LYRM4: variants seen among roughly 807,000 people sequenced by gnomAD.
The protein encoded by LYRM4 is LYR motif-containing protein 4.
Under a neutral mutation model 11.7 loss-of-function variants are expected in LYRM4, and 9 were observed. The observed-to-expected ratio is 0.77, with a 90% CI of 0.46 to 1.34. The LOEUF (loss-of-function observed/expected upper bound fraction) is 1.34, where lower values mean the gene tolerates loss of function less well. Among genes scored for constraint, LYRM4 ranks in the 40% most tolerant of loss-of-function variants. LYRM4 has a pLI of 0.00. For synonymous variants in LYRM4, 42 were observed against 40.4 expected (o/e 1.04, Z -0.15); for missense variants, 133 against 112.5 (o/e 1.18, Z -0.82).
intron 2 of LYRM4, among the ~76,000 whole-genome samples, chr6:5,156,705 T>C (rs1013235284): frequency 2.0e-5 from 3 of 152,120 alleles, no homozygotes; most frequent in African/African-American, 7.2e-5. Flanking sequence ...AGATCTCCTA[T>C]AATCTGTTTT....
At chr6:5,204,176 A>G (rs1181852222) in intron 2 of LYRM4, among the ~76,000 whole-genome samples, 1 of 152,104 alleles carries the variant, frequency 6.6e-6, no homozygotes, top group Non-Finnish European at 1.5e-5. Context: ...CTGTGCCTTC[A>G]TGCCTTCCCG....
the LYRM4 span, among the ~76,000 whole-genome samples, chr6:5,074,397 CTTT>C: frequency 0.038 from 2,952 of 76,754 alleles, 83 homozygotes; most frequent in African/African-American, 0.1. Context: ...AGCACAGGTA[CTTT>C]TTTTTTTTTT....
chr6:5,208,215 C>T (rs1761808197), intron 2 of LYRM4, among the ~76,000 whole-genome samples: 1 of 152,178 alleles, frequency 6.6e-6, no homozygotes, highest in Non-Finnish European at 1.5e-5. Context: ...GCTGCCACCA[C>T]CATCATAAAC....
chr6:5,156,887 A>AC (rs1204830877), intron 2 of LYRM4, among the ~76,000 whole-genome samples: 1 of 151,908 alleles, frequency 6.6e-6, no homozygotes, highest in Non-Finnish European at 1.5e-5. Context: ...TCAAATCACA[A>AC]CAGACATGAT....
At chr6:5,170,568 T>TCGGCTCACTGTAACCTCTGCCTCC (rs1398610817) in intron 2 of LYRM4, among the ~76,000 whole-genome samples, 1 of 152,202 alleles carries the variant, frequency 6.6e-6, no homozygotes, top group Non-Finnish European at 1.5e-5. Flanking sequence ...TGGCGCGATC[T>TCGGCTCACTGTAACCTCTGCCTCC]CGGCTCACTG....
At chr6:5,076,127 G>A in the LYRM4 span, among the ~76,000 whole-genome samples, 1 of 151,918 alleles carries the variant, frequency 6.6e-6, no homozygotes, top group Admixed American at 6.6e-5. Flanking sequence ...CTATTTTTTT[G>A]TAGAGACAGG....
At chr6:5,193,309 C>CA (rs377530249) in intron 2 of LYRM4, among the ~76,000 whole-genome samples, 6,641 of 145,832 alleles carry the variant, frequency 0.046, 432 homozygotes, top group African/African-American at 0.14. Flanking sequence ...AACCAGAAAA[C>CA]AAAAAAAAAA....
At chr6:5,189,577 C>G (rs187676975) in intron 2 of LYRM4, among the ~76,000 whole-genome samples, 2 of 152,314 alleles carry the variant, frequency 1.3e-5, no homozygotes, top group Admixed American at 6.5e-5. Flanking sequence ...GAAATTCCAG[C>G]CGCAAGGCAC....
At chr6:5,113,319 G>A (rs1281164029) in intron 2 of LYRM4, 2 of 449,352 alleles carry the variant, frequency 4.5e-6, no homozygotes, top group South Asian at 3.1e-5. Context: ...CAGCTACTCA[G>A]GAGGCTGAGG....
intron 2 of LYRM4, among the ~76,000 whole-genome samples, chr6:5,118,210 G>A (rs1466061132): frequency 6.6e-6 from 1 of 150,904 alleles, no homozygotes; most frequent in Non-Finnish European, 1.5e-5. Context: ...CTCACCTCCT[G>A]TGTTCAAGTG....
At chr6:5,232,703 C>T (rs925298112) in intron 1 of LYRM4, among the ~76,000 whole-genome samples, 1 of 152,190 alleles carries the variant, frequency 6.6e-6, no homozygotes, top group African/African-American at 2.4e-5. Flanking sequence ...CACTAAAAAC[C>T]TCAGGGATCA....
the LYRM4 span, among the ~76,000 whole-genome samples, chr6:5,035,003 A>G: frequency 6.6e-6 from 1 of 151,822 alleles, no homozygotes; most frequent in Non-Finnish European, 1.5e-5. Flanking sequence ...AGTTATGTGG[A>G]AGGGCAGGTT....
intron 1 of LYRM4, among the ~76,000 whole-genome samples, chr6:5,250,033 C>T (rs1161408278): frequency 6.6e-6 from 1 of 152,100 alleles, no homozygotes; most frequent in Non-Finnish European, 1.5e-5. Flanking sequence ...AGAGTATTAT[C>T]CTACTGCAAC....
chr6:5,168,842 T>C (rs955468698), intron 2 of LYRM4, among the ~76,000 whole-genome samples: 2 of 152,122 alleles, frequency 1.3e-5, no homozygotes, highest in Non-Finnish European at 2.9e-5. Context: ...TGAAGTCTCA[T>C]TACATGTGCG....
At chr6:5,184,983 C>T (rs1760299342) in intron 2 of LYRM4, among the ~76,000 whole-genome samples, 1 of 152,226 alleles carries the variant, frequency 6.6e-6, no homozygotes, top group Non-Finnish European at 1.5e-5. Context: ...TTCTCTGCTT[C>T]TAGTCACTTA....
At chr6:5,190,254 A>G (rs1760676186) in intron 2 of LYRM4, among the ~76,000 whole-genome samples, 1 of 152,076 alleles carries the variant, frequency 6.6e-6, no homozygotes, top group Non-Finnish European at 1.5e-5. Context: ...TTAAAAACCA[A>G]TTTGGCTCAA....
At chr6:5,062,078 CTTCTTTTTT>C in the LYRM4 span, among the ~76,000 whole-genome samples, 2 of 137,576 alleles carry the variant, frequency 1.5e-5, no homozygotes, top group Non-Finnish European at 3.1e-5. Flanking sequence ...CCCCTTCCTT[CTTCTTTTTT>C]TTTTTTTTTT....
At chr6:5,101,565 A>T (rs567026369), downstream of LYRM4, among the ~76,000 whole-genome samples, 9 of 152,324 alleles carry the variant, frequency 5.9e-5, 1 homozygote, top group East Asian at 1.7e-3. Context: ...GGGCTGGAAG[A>T]TGAAGGAATG....
intron 2 of LYRM4, among the ~76,000 whole-genome samples, chr6:5,123,266 C>T (rs1490569468): frequency 6.6e-6 from 1 of 152,184 alleles, no homozygotes; most frequent in Non-Finnish European, 1.5e-5. Context: ...AAGGCAGCAG[C>T]TCTGTTCCCA....
Sources: allele counts gnomAD v4.1 joint callset (sites outside exome capture counted in the v4.1 genomes callset), GRCh38; gene constraint gnomAD v4.1.1; transcripts MANE v1.5; gene names NCBI Gene and HGNC (gene_info 2026-07-23, HGNC 2026-07-21).